KLF12: variants seen among roughly 807,000 people sequenced by gnomAD.
KLF12 encodes Krueppel-like factor 12.
Under a neutral mutation model 37.8 loss-of-function variants are expected in KLF12, and 9 were observed. The observed-to-expected ratio is 0.24, with a 90% CI of 0.14 to 0.42. KLF12 has a LOEUF of 0.42. Among genes scored for constraint, KLF12 ranks in the 10% least tolerant of loss-of-function variants. The pLI, the probability that KLF12 is intolerant of heterozygous loss-of-function variation, is 1.00. For missense variants in KLF12, 411 were observed against 516.0 expected, an observed-to-expected ratio of 0.80 and a Z score of 1.97; for synonymous variants, 208 against 202.1, an observed-to-expected ratio of 1.03 and a Z score of -0.25.
At chr13:74,056,173 C>G (rs866806879) in intron 1 of KLF12, among the ~76,000 whole-genome samples, 2 of 151,874 alleles carry the variant, frequency 1.3e-5, no homozygotes, top group Non-Finnish European at 2.9e-5. Context: ...AAAGGGAGAG[C>G]AAGAGGGAGG....
intron 5 of KLF12, among the ~76,000 whole-genome samples, chr13:73,766,470 C>G (rs1879921224): frequency 6.6e-6 from 1 of 152,080 alleles, no homozygotes; most frequent in Admixed American, 6.6e-5. Flanking sequence ...TATTCTTTTA[C>G]TTTTTTACTT....
chr13:73,976,028 T>C (rs1891511498), intron 2 of KLF12, among the ~76,000 whole-genome samples: 1 of 151,980 alleles, frequency 6.6e-6, no homozygotes. Context: ...AGGCACACAT[T>C]ACACCCACCG....
At chr13:74,022,237 A>G (rs1404760606) in intron 1 of KLF12, among the ~76,000 whole-genome samples, 2 of 152,234 alleles carry the variant, frequency 1.3e-5, no homozygotes, top group Admixed American at 1.3e-4. Flanking sequence ...AGTACAAGGC[A>G]GACTGCAAGA....
intron 2 of KLF12, among the ~76,000 whole-genome samples, chr13:73,975,754 G>C (rs1014063925): frequency 2.0e-5 from 3 of 151,966 alleles, no homozygotes; most frequent in Non-Finnish European, 2.9e-5. Flanking sequence ...CAACTGTGCC[G>C]TACCTCCTCC....
At chr13:74,141,767 A>G in the KLF12 span, among the ~76,000 whole-genome samples, 7 of 152,198 alleles carry the variant, frequency 4.6e-5, no homozygotes, top group Non-Finnish European at 8.8e-5. Context: ...TTATATTTCA[A>G]TGGCTGGAAA....
upstream of KLF12, among the ~76,000 whole-genome samples, chr13:74,134,900 G>C (rs1405221019): frequency 6.6e-6 from 1 of 151,994 alleles, no homozygotes; most frequent in African/African-American, 2.4e-5. Flanking sequence ...GGTCGTCCCC[G>C]CGGCTCGCCC....
the KLF12 span, among the ~76,000 whole-genome samples, chr13:74,253,714 A>G: frequency 6.6e-6 from 1 of 152,206 alleles, no homozygotes; most frequent in Non-Finnish European, 1.5e-5. Flanking sequence ...CGAATTTACC[A>G]GTATTTTTCA....
chr13:73,798,025 T>C (rs990176027), intron 5 of KLF12, among the ~76,000 whole-genome samples: 1 of 152,182 alleles, frequency 6.6e-6, no homozygotes, highest in Non-Finnish European at 1.5e-5. Flanking sequence ...ATTTCTAATA[T>C]GCAGCAAGAT....
At chr13:73,736,934 G>A (rs1462431819) in intron 6 of KLF12, among the ~76,000 whole-genome samples, 1 of 152,106 alleles carries the variant, frequency 6.6e-6, no homozygotes, top group Non-Finnish European at 1.5e-5. Context: ...AAAATTTAGA[G>A]CCATAAATGA....
chr13:74,199,568 G>A, the KLF12 span, among the ~76,000 whole-genome samples: 1 of 152,108 alleles, frequency 6.6e-6, no homozygotes, highest in Admixed American at 6.5e-5. Flanking sequence ...TCAAATATTG[G>A]CACACAAACA....
At chr13:73,738,541 T>C (rs1324696700) in intron 6 of KLF12, among the ~76,000 whole-genome samples, 1 of 152,100 alleles carries the variant, frequency 6.6e-6, no homozygotes, top group African/African-American at 2.4e-5. Context: ...CTCTGATCTT[T>C]CGAATCTCAA....
the KLF12 span, among the ~76,000 whole-genome samples, chr13:74,186,178 T>A: frequency 6.6e-6 from 1 of 152,156 alleles, no homozygotes; most frequent in Non-Finnish European, 1.5e-5. Context: ...CTAAGGATCA[T>A]CTTGTCTAAG....
chr13:74,164,177 G>T, the KLF12 span, among the ~76,000 whole-genome samples: 1 of 152,070 alleles, frequency 6.6e-6, no homozygotes, highest in African/African-American at 2.4e-5. Flanking sequence ...CTAGTCAAAT[G>T]ATCACAGACA....
chr13:74,254,727 A>C, the KLF12 span, among the ~76,000 whole-genome samples: 1 of 152,134 alleles, frequency 6.6e-6, no homozygotes, highest in Non-Finnish European at 1.5e-5. Context: ...AAACAGAATA[A>C]ATACATATAT....
At position 73,869,755 on chromosome 13, in the gene KLF12, A is replaced by G. The variant is rs189154415; in HGVS notation, c.124-23382T>C. 2.0e-5 allele frequency among the ~76,000 whole-genome samples: 3 copies of G among 152,276 alleles called. No individual in the cohort carries two copies. In the East Asian group the frequency reaches 5.8e-4, roughly 29 times the overall value. The stretch of plus-strand genomic sequence containing the variant: ...ACTCAATGACAAAGTGATAAATCAG[A>G]TGGTCTCTGATCAATTTCTCTTCTA... On this transcript the variant is annotated intron_variant, in intron 3 of 7. Transcript: ENST00000377669.
chr13:73,975,446 C>A (rs922239417), intron 2 of KLF12, among the ~76,000 whole-genome samples: 2 of 152,144 alleles, frequency 1.3e-5, no homozygotes, highest in African/African-American at 4.8e-5. Context: ...TAAACATGCT[C>A]CAAATCTACT....
intron 3 of KLF12, among the ~76,000 whole-genome samples, chr13:73,936,150 T>C (rs1889913842): frequency 6.6e-6 from 1 of 152,244 alleles, no homozygotes; most frequent in African/African-American, 2.4e-5. Context: ...TCCTGCTTCT[T>C]TGTACATCTG....
At chr13:74,062,224 T>A (rs1222741536) in intron 1 of KLF12, among the ~76,000 whole-genome samples, 2 of 152,226 alleles carry the variant, frequency 1.3e-5, no homozygotes, top group South Asian at 4.1e-4. Context: ...GGAGCACCTC[T>A]TGTTTTAAAA....
the KLF12 span, among the ~76,000 whole-genome samples, chr13:74,207,848 ATTACT>A: frequency 1.3e-5 from 2 of 152,152 alleles, no homozygotes; most frequent in Non-Finnish European, 2.9e-5. Flanking sequence ...TTCAGGACAA[ATTACT>A]TTACCACCTG....
Sources: allele counts gnomAD v4.1 joint callset (sites outside exome capture counted in the v4.1 genomes callset), GRCh38; gene constraint gnomAD v4.1.1; transcripts MANE v1.5; gene names NCBI Gene and HGNC (gene_info 2026-07-23, HGNC 2026-07-21).